RFXANK: variants seen among roughly 807,000 people sequenced by gnomAD.
The protein encoded by RFXANK is regulatory factor X associated ankyrin containing protein.
Under a neutral mutation model 34.5 loss-of-function variants are expected in RFXANK, and 19 were observed. That is an observed-to-expected ratio of 0.55 (90% CI 0.38 to 0.81). RFXANK has a LOEUF of 0.81. RFXANK is among the 30% of genes least tolerant of loss of function. The pLI, the probability that RFXANK is intolerant of heterozygous loss-of-function variation, is 0.00. For missense variants in RFXANK, 295 were observed against 343.5 expected (o/e 0.86, Z 1.12); for synonymous variants, 154 against 149.8 (o/e 1.03, Z -0.20).
intron 3 of RFXANK, among the ~76,000 whole-genome samples, chr19:19,196,576 C>A (rs949250380): frequency 2.7e-4 from 39 of 146,950 alleles, no homozygotes; most frequent in Non-Finnish European, 2.1e-4. Context: ...AAAAAAAAAA[C>A]CCCAATAGCT....
At chr19:19,199,051 T>C in intron 8 of RFXANK, 103 bp from the exon 9 acceptor site, 1 of 1,161,812 alleles carries the variant, frequency 8.6e-7, no homozygotes, top group East Asian at 2.4e-5. Flanking sequence ...GACCCACGGC[T>C]GCATTGTGGG....
Position 19,192,377 on chromosome 19 carries a change from G to A in RFXANK, c.-327G>A, listed in dbSNP as rs548971703. 2 of 578,812 alleles carry A rather than the reference G, an allele frequency of 3.5e-6. No individual in the cohort carries two copies. Among genetic ancestry groups the A allele is most frequent in the Non-Finnish European group, 6.2e-6 (2 of 323,956 alleles). The allele number at this position is 578,812 out of a possible 1,614,324, so 35.9% of individuals were successfully genotyped here. On this transcript the variant is annotated 5_prime_UTR_variant, in exon 1 of 10. Transcript: ENST00000303088. ...GTGGAGCGACACCCAGGCAGGAGAG[G>A]GGGAAGAACTCTCTCCCTTTCTGAA...
intron 3 of RFXANK, 122 bp downstream of exon 3, chr19:19,194,255 G>A (rs2060556606): frequency 6.2e-6 from 7 of 1,124,934 alleles, no homozygotes; most frequent in Non-Finnish European, 9.2e-6. Flanking sequence ...TTTTTGAGAT[G>A]GAGTTTTGCT....
intron 6 of RFXANK, 128 bp from the exon 7 acceptor site, chr19:19,197,979 T>G (rs1265723393): frequency 3.5e-5 from 47 of 1,333,818 alleles, no homozygotes; most frequent in Non-Finnish European, 5.0e-5. Flanking sequence ...GCCACTGCAC[T>G]CCAGCCTGGG....
rs1320960083 is a variant in RFXANK at position 19,196,804 on chromosome 19, G to T, written c.188-159G>T. 2.0e-5 allele frequency among the ~76,000 whole-genome samples: 3 copies of T among 152,234 alleles called. No individual in the cohort carries two copies. The East Asian group carries it at 5.8e-4, about 29-fold the overall frequency. ...CGCTTGAACCCAGGAGGCAGAGGTT[G>T]CAGTGAGCCGAGATCACGCCACTGT... On this transcript the variant is annotated intron_variant, in intron 3 of 9. Transcript: ENST00000303088.
intron 9 of RFXANK, 46 bp from the exon 10 acceptor site, chr19:19,201,603 C>G (rs949111210): frequency 3.1e-6 from 5 of 1,613,350 alleles, no homozygotes; most frequent in Non-Finnish European, 4.2e-6. Context: ...CTCCACCCCA[C>G]TCCCGATTCA....
intron 7 of RFXANK, 130 bp downstream of exon 7, chr19:19,198,362 C>T: frequency 1.4e-6 from 2 of 1,398,512 alleles, no homozygotes; most frequent in East Asian, 2.5e-5. Flanking sequence ...CCATTCCCAG[C>T]CTCACAGAGC....
chr19:19,198,145 C>T lies in RFXANK; in HGVS notation c.477C>T (p.Ser159=), dbSNP rs368281475. 10 of 1,614,002 alleles carry T rather than the reference C, an allele frequency of 6.2e-6. No individual in the cohort carries two copies. The highest frequency in any genetic ancestry group is 2.7e-5 in the African/African-American group (2 of 74,922). The change falls in exon 7 of 10, where the codon AGC becomes AGT. Residue 159 remains serine (S), a synonymous_variant. Transcript: ENST00000303088. ...ACATCCTGGCAAAAGAGCGAGAGAG[C>T]GCCCTGTCGCTGGCCAGCACAGGCG... ...DPHILAKERE[S]ALSLASTGGY...
intron 7 of RFXANK, 135 bp from the exon 8 acceptor site, chr19:19,198,522 T>TCCTG: frequency 8.8e-7 from 1 of 1,135,422 alleles, no homozygotes; most frequent in Non-Finnish European, 1.3e-6. Flanking sequence ...TGTCTAAGCT[T>TCCTG]GAGACCCCAG....
intron 3 of RFXANK, among the ~76,000 whole-genome samples, chr19:19,195,838 AT>A: frequency 7.2e-6 from 1 of 138,192 alleles, no homozygotes; most frequent in African/African-American, 2.8e-5. Flanking sequence ...CACCTCCTGG[AT>A]TCAAGCGATT....
At chr19:19,193,338 A>G (rs1395594202) in intron 2 of RFXANK, among the ~76,000 whole-genome samples, 1 of 151,620 alleles carries the variant, frequency 6.6e-6, no homozygotes, top group African/African-American at 2.4e-5. Flanking sequence ...CACGTGCCCA[A>G]GTTCTCACGG....
chr19:19,201,253 T>G (rs892151651), intron 9 of RFXANK, among the ~76,000 whole-genome samples: 1 of 152,012 alleles, frequency 6.6e-6, no homozygotes, highest in Non-Finnish European at 1.5e-5. Flanking sequence ...TTTTTAAATT[T>G]TTTTGGTAGA....
chr19:19,200,426 T>G (rs1418863335), intron 9 of RFXANK, among the ~76,000 whole-genome samples: 1 of 152,020 alleles, frequency 6.6e-6, no homozygotes, highest in Non-Finnish European at 1.5e-5. Context: ...TCCGCCTGTG[T>G]TGGCCTCCCA....
intron 7 of RFXANK, 106 bp downstream of exon 7, chr19:19,198,338 A>T: frequency 8.0e-6 from 12 of 1,506,738 alleles, no homozygotes; most frequent in Non-Finnish European, 1.1e-5. Flanking sequence ...AGGTGCCGAG[A>T]ACACGAGACA....
In RFXANK at chr19:19,198,715, C is replaced by T. The variant is rs140748502; in HGVS notation, c.623C>T (p.Ala208Val). Residue 208 changes from alanine (A) to valine (V), a missense_variant, in exon 8 of 10, where the codon GCC becomes GTC. Ala to Val is a moderately conservative substitution (Grantham distance 64, BLOSUM62 0). Transcript: ENST00000303088. Reference sequence around the variant, plus strand: ...GGGAACCACGTGAAATGCGTTGAGGCCTTGCTGGGTGAGTGGGAGTCGGGA... The same window carrying T: ...GGGAACCACGTGAAATGCGTTGAGGTCTTGCTGGGTGAGTGGGAGTCGGGA... ...VRGNHVKCVE[A>V]LLARGADLTT... The T allele has an allele frequency of 3.0e-5, 48 of 1,613,876 alleles. No individual in the cohort carries two copies. The highest frequency in any genetic ancestry group is 1.1e-4 in the African/African-American group (8 of 74,950).
At chr19:19,193,452 T>G (rs548227588) in intron 2 of RFXANK, among the ~76,000 whole-genome samples, 3 of 140,660 alleles carry the variant, frequency 2.1e-5, no homozygotes, top group African/African-American at 7.9e-5. Context: ...AGAGTCTTGC[T>G]CTGTCGCCCC....
In RFXANK at chr19:19,197,625, C is replaced by T. The variant is rs749058206; in HGVS notation, c.438+4C>T. ...CGTTCGCTTCCTGCTGGAGTGGGTG[C>T]GTCCCAGCCCAGCTGGGCAGCTGGG... On this transcript the variant is annotated splice_donor_region_variant and intron_variant, in intron 6 of 9. Transcript: ENST00000303088. The T allele has an allele frequency of 1.1e-5, 17 of 1,613,064 alleles. No homozygotes were observed. The highest frequency in any genetic ancestry group is 2.2e-5 in the East Asian group (1 of 44,868).
intron 9 of RFXANK, chr19:19,201,029 C>T (rs903910072): frequency 9.6e-5 from 20 of 209,048 alleles, no homozygotes; most frequent in Admixed American, 4.3e-4. Context: ...AAACTCCCGA[C>T]CTCAGGTGAT....
intron 5 of RFXANK, 108 bp downstream of exon 5, chr19:19,197,359 G>T (rs2060618563): frequency 7.9e-7 from 1 of 1,270,100 alleles, no homozygotes; most frequent in African/African-American, 1.5e-5. Flanking sequence ...GTGTATGATT[G>T]TATCTAACTG....
Sources: gnomAD v4.1 joint callset for allele counts (sites outside exome capture counted in the v4.1 genomes callset) on GRCh38, gnomAD v4.1.1 for gene constraint, MANE v1.5 for transcripts, NCBI Gene and HGNC (gene_info 2026-07-23, HGNC 2026-07-21) for gene names.